The following TMCC1 variants were observed in gnomAD, a reference collection of about 807,000 sequenced individuals.
The protein encoded by TMCC1 is transmembrane and coiled-coil domains protein 1.
A neutral mutation model predicts 52.4 loss-of-function variants in TMCC1; 15 were observed. That is an observed-to-expected ratio of 0.29 (90% CI 0.19 to 0.44). The LOEUF is 0.44. Among genes scored for constraint, TMCC1 ranks in the 20% least tolerant of loss-of-function variants. The pLI is 1.00. For synonymous variants in TMCC1, 279 were observed against 301.9 expected (o/e 0.92, Z 0.79); for missense variants, 503 against 806.0 (o/e 0.62, Z 4.55).
rs1248963513 is a variant in TMCC1, at chr3:129,670,594, T to C, written c.1247A>G (p.Lys416Arg). 1 of 1,614,086 alleles carries C rather than the reference T, an allele frequency of 6.2e-7. No individual in the cohort carries two copies. Among genetic ancestry groups the C allele is most frequent in the African/African-American group, 1.3e-5 (1 of 74,928 alleles). The change falls in exon 5 of 7, where the codon AAA (lysine) becomes AGA (arginine). Residue 416 changes from lysine to arginine, a missense_variant. By Grantham distance (26) the Lys-to-Arg change is conservative. This residue lies in a region of TMCC1 where 2 missense variants were observed against 21.2 expected (regional missense o/e 0.09). Coordinates refer to ENST00000393238, the MANE Select transcript of TMCC1 (RefSeq NM_001017395.5). ...AGAACAATCTTCTTCACTACCATAT[T>C]TTGGGCTAGACTGAAAGTTTGAAAT... ...GVISNFQSSP[K>R]YGSEEDCSSA... is the part of the protein sequence containing the mutation.
intron 4 of TMCC1, among the ~76,000 whole-genome samples, chr3:129,772,722 CAAAAAAAAAAAA>C (rs34785535): frequency 1.3e-5 from 1 of 76,190 alleles, no homozygotes; most frequent in South Asian, 4.9e-4. Flanking sequence ...GACTCCGCCT[CAAAAAAAAAAAA>C]AAAAAAAAAA....
intron 4 of TMCC1, among the ~76,000 whole-genome samples, chr3:129,755,107 C>T (rs1419634605): frequency 1.3e-5 from 2 of 151,346 alleles, no homozygotes; most frequent in Non-Finnish European, 2.9e-5. Context: ...TTGGGTTTGG[C>T]AATAAGGTTT....
At chr3:129,758,115 T>C (rs1364042946) in intron 4 of TMCC1, among the ~76,000 whole-genome samples, 1 of 152,228 alleles carries the variant, frequency 6.6e-6, no homozygotes, top group East Asian at 1.9e-4. Context: ...ACATAAACAC[T>C]GTATGCTAGT....
intron 4 of TMCC1, among the ~76,000 whole-genome samples, chr3:129,816,425 C>A (rs796443216): frequency 1.5e-4 from 23 of 152,280 alleles, no homozygotes; most frequent in African/African-American, 5.3e-4. Context: ...GAAATCCTTT[C>A]ATTTGCAGCA....
intron 2 of TMCC1, among the ~76,000 whole-genome samples, chr3:129,852,329 T>C (rs1380283292): frequency 6.6e-6 from 1 of 151,842 alleles, no homozygotes; most frequent in Non-Finnish European, 1.5e-5. Flanking sequence ...TGGTGGCATG[T>C]GCCTGTAATC....
chr3:129,666,294 A>G (rs1275204267), intron 5 of TMCC1, among the ~76,000 whole-genome samples: 1 of 152,204 alleles, frequency 6.6e-6, no homozygotes, highest in Non-Finnish European at 1.5e-5. Context: ...GAGGCACATA[A>G]ATGGACAGCT....
At chr3:129,874,721 G>T (rs1331523083) in intron 2 of TMCC1, among the ~76,000 whole-genome samples, 1 of 152,044 alleles carries the variant, frequency 6.6e-6, no homozygotes, top group Non-Finnish European at 1.5e-5. Context: ...GCTGGGTATG[G>T]TGGCGCACAC....
chr3:129,655,003 C>T lies in TMCC1; in HGVS notation c.1612G>A (p.Ala538Thr), dbSNP rs1298125174. 8 of 1,613,876 alleles carry T rather than the reference C, an allele frequency of 5.0e-6. No homozygotes were observed. Among genetic ancestry groups the T allele is most frequent in the Admixed American group, 1.7e-5 (1 of 59,972 alleles). The stretch of plus-strand genomic sequence containing the variant: ...CGGGCCCGTTCATAGGACTGATACG[C>T]GATTTTTTCTTCCATGCTTGCCAGT... ...QELASMEEKI[A>T]YQSYERARDI... The change falls in exon 6 of 7, where the codon GCG (alanine) becomes ACG (threonine). Residue 538 changes from alanine to threonine, a missense_variant. By Grantham distance (58) the Ala-to-Thr change is moderately conservative (BLOSUM62 0). This residue lies in a region of TMCC1 where 121 missense variants were observed against 193.6 expected (regional missense o/e 0.62). Transcript: ENST00000393238.
chr3:129,745,167 A>G (rs2051817746), intron 4 of TMCC1, among the ~76,000 whole-genome samples: 3 of 152,242 alleles, frequency 2.0e-5, no homozygotes, highest in Admixed American at 2.0e-4. Flanking sequence ...ACTGCTATCT[A>G]CTAGGAAGAT....
At chr3:129,843,597 A>G (rs2059524763) in intron 2 of TMCC1, among the ~76,000 whole-genome samples, 1 of 152,132 alleles carries the variant, frequency 6.6e-6, no homozygotes, top group African/African-American at 2.4e-5. Context: ...AGATATTACG[A>G]ACACCTCTAT....
chr3:129,809,067 G>A (rs1479244006), intron 4 of TMCC1, among the ~76,000 whole-genome samples: 1 of 151,524 alleles, frequency 6.6e-6, no homozygotes, highest in East Asian at 1.9e-4. Flanking sequence ...CTAACACAGT[G>A]AAACCGCATC....
chr3:129,798,766 A>G (rs1258624924), intron 4 of TMCC1, among the ~76,000 whole-genome samples: 2 of 152,202 alleles, frequency 1.3e-5, no homozygotes, highest in Non-Finnish European at 2.9e-5. Context: ...CTCATTAACA[A>G]ATAACAAAGT....
In TMCC1 at chr3:129,653,531, C is replaced by T. The variant is rs147835004; in HGVS notation, c.1647+1437G>A. ...CGATCTCAGCTCACTGCCAGCTCCA[C>T]CTCCCAGGTTCAGGCCATTCTTCTG... On this transcript the variant is annotated intron_variant, in intron 6 of 6. Coordinates refer to ENST00000393238, the MANE Select transcript of TMCC1 (RefSeq NM_001017395.5). Among the ~76,000 whole-genome samples the T allele has an allele frequency of 4.1e-3, 621 of 152,356 alleles. 6 individuals are homozygous for T. Among genetic ancestry groups the T allele is most frequent in the African/African-American group, 0.014 (599 of 41,584 alleles).
intron 1 of TMCC1, among the ~76,000 whole-genome samples, chr3:129,887,821 C>G (rs2061787439): frequency 6.6e-6 from 1 of 152,104 alleles, no homozygotes; most frequent in South Asian, 2.1e-4. Context: ...TAATGTTAAA[C>G]ATAAAATACT....
intron 4 of TMCC1, among the ~76,000 whole-genome samples, chr3:129,748,640 T>C (rs1360944549): frequency 6.6e-6 from 1 of 152,108 alleles, no homozygotes; most frequent in African/African-American, 2.4e-5. Context: ...TAGGTACAAC[T>C]TCATAAAATG....
chr3:129,665,479 G>C (rs1309278581), intron 5 of TMCC1, among the ~76,000 whole-genome samples: 2 of 152,146 alleles, frequency 1.3e-5, no homozygotes, highest in Non-Finnish European at 2.9e-5. Flanking sequence ...TCCTTAAGAA[G>C]GTTTCACCTA....
chr3:129,676,807 G>A (rs1029466865), intron 4 of TMCC1, among the ~76,000 whole-genome samples: 2 of 151,930 alleles, frequency 1.3e-5, no homozygotes, highest in Non-Finnish European at 2.9e-5. Context: ...TATACAACAG[G>A]GTTATCATTT....
intron 5 of TMCC1, among the ~76,000 whole-genome samples, chr3:129,663,503 C>G (rs1216320689): frequency 2.6e-5 from 4 of 152,116 alleles, no homozygotes; most frequent in Non-Finnish European, 4.4e-5. Context: ...AGGTTCCTAG[C>G]TGAATTGGGG....
chr3:129,858,405 C>CAA (rs2060239648), intron 2 of TMCC1, among the ~76,000 whole-genome samples: 1 of 152,118 alleles, frequency 6.6e-6, no homozygotes, highest in Non-Finnish European at 1.5e-5. Flanking sequence ...CAGTGTCACT[C>CAA]TGTCACTCAG....
Sources: gnomAD v4.1 joint callset for allele counts (sites outside exome capture counted in the v4.1 genomes callset) on GRCh38, gnomAD v4.1.1 for gene constraint, gnomAD v4.1.1 regional missense constraint, MANE v1.5 for transcripts, NCBI Gene and HGNC (gene_info 2026-07-23, HGNC 2026-07-21) for gene names.